Variants in GLIS3 observed in about 807,000 individuals in gnomAD.
GLIS3 encodes zinc finger protein GLIS3.
Under a neutral mutation model 78.6 loss-of-function variants are expected in GLIS3, and 53 were observed. The ratio of observed to expected loss-of-function variants is 0.67; its 90% confidence interval spans 0.54 to 0.85. The LOEUF is 0.85. Ranked by LOEUF, GLIS3 falls within the 40% of genes least tolerant of loss-of-function variation. The pLI, the probability that GLIS3 is intolerant of heterozygous loss-of-function variation, is 0.00. For missense variants in GLIS3, 1,703 were observed against 1,231.1 expected (o/e 1.38, Z -5.74); for synonymous variants, 684 against 509.9 (o/e 1.34, Z -4.60).
At chr9:3,890,006 G>T (rs1010743731) in intron 7 of GLIS3, among the ~76,000 whole-genome samples, 1 of 152,232 alleles carries the variant, frequency 6.6e-6, no homozygotes, top group Non-Finnish European at 1.5e-5. Context: ...AGTTTTTTTA[G>T]ACACCTGAGA....
intron 2 of GLIS3, among the ~76,000 whole-genome samples, chr9:4,136,026 C>G (rs951464014): frequency 1.3e-5 from 2 of 152,120 alleles, no homozygotes; most frequent in East Asian, 1.9e-4. Context: ...TAAATGGCTA[C>G]GAACACCAAA....
At chr9:4,053,092 C>T (rs549658529) in intron 4 of GLIS3, among the ~76,000 whole-genome samples, 14 of 152,220 alleles carry the variant, frequency 9.2e-5, no homozygotes, top group East Asian at 7.7e-4. Flanking sequence ...GGACCACAGG[C>T]GCACACCCCC....
intron 2 of GLIS3, among the ~76,000 whole-genome samples, chr9:4,159,148 G>C (rs1031314192): frequency 6.6e-6 from 1 of 151,778 alleles, no homozygotes; most frequent in Non-Finnish European, 1.5e-5. Context: ...AGCTCCTTGA[G>C]AACAGGGCCT....
chr9:4,019,571 A>G (rs1433744890), intron 4 of GLIS3, among the ~76,000 whole-genome samples: 1 of 152,182 alleles, frequency 6.6e-6, no homozygotes, highest in Non-Finnish European at 1.5e-5. Context: ...AAGGCAGGGG[A>G]AATCAACAAC....
rs373759349 is a variant in GLIS3 at position 3,951,507 on chromosome 9, G to T, written c.1711-14318C>A. Among the ~76,000 whole-genome samples the T allele has an allele frequency of 9.2e-5, 14 of 151,968 alleles. No individual in the cohort carries two copies. The East Asian group carries it at 1.5e-3, about 17-fold the overall frequency. ...GTATTTAGTTAAAGAATGTATGCTG[G>T]ACTACAGAAAAACATGACCAGAAAC... On this transcript the variant is annotated intron_variant, in intron 4 of 10. Coordinates refer to ENST00000381971, the MANE Select transcript of GLIS3 (RefSeq NM_001042413.2).
intron 2 of GLIS3, among the ~76,000 whole-genome samples, chr9:4,272,551 A>T (rs1826613680): frequency 6.6e-6 from 1 of 152,134 alleles, no homozygotes; most frequent in South Asian, 2.1e-4. Context: ...GGAATACCTC[A>T]TAGGGTTATA....
chr9:4,150,170 T>C (rs1834558483), intron 2 of GLIS3, among the ~76,000 whole-genome samples: 1 of 152,140 alleles, frequency 6.6e-6, no homozygotes, highest in African/African-American at 2.4e-5. Context: ...TAGGGCCCCT[T>C]TCTACTAGAA....
chr9:4,477,476 G>A, the GLIS3 span, among the ~76,000 whole-genome samples: 22 of 152,148 alleles, frequency 1.4e-4, no homozygotes, highest in African/African-American at 4.3e-4. Flanking sequence ...ATGCAATGGC[G>A]TGATCACGGC....
upstream of GLIS3, among the ~76,000 whole-genome samples, chr9:4,304,816 A>T (rs2130502642): frequency 6.6e-6 from 1 of 152,224 alleles, no homozygotes; most frequent in South Asian, 2.1e-4. Flanking sequence ...AAACTTGGAG[A>T]TTTTCCACAA....
chr9:4,078,447 G>C (rs889932925), intron 4 of GLIS3, among the ~76,000 whole-genome samples: 2 of 152,174 alleles, frequency 1.3e-5, no homozygotes, highest in Admixed American at 6.5e-5. Context: ...TTCTGATTCT[G>C]TAACAATATA....
intron 2 of GLIS3, among the ~76,000 whole-genome samples, chr9:4,313,335 C>G (rs1464404451): frequency 6.6e-6 from 1 of 152,170 alleles, no homozygotes; most frequent in Non-Finnish European, 1.5e-5. Flanking sequence ...TTGCTGCTCC[C>G]TCTTCAGCCA....
chr9:3,908,844 A>G (rs538763025), intron 6 of GLIS3, among the ~76,000 whole-genome samples: 28 of 150,726 alleles, frequency 1.9e-4, no homozygotes, highest in African/African-American at 6.8e-4. Context: ...TAAGTGAGTC[A>G]AGTGGAAATA....
intron 6 of GLIS3, among the ~76,000 whole-genome samples, chr9:3,905,348 G>C (rs1823623253): frequency 6.6e-6 from 1 of 152,026 alleles, no homozygotes; most frequent in South Asian, 2.1e-4. Flanking sequence ...AGGAGGGAAA[G>C]AACCTGGGTA....
chr9:4,263,513 CA>C (rs60965547), intron 2 of GLIS3, among the ~76,000 whole-genome samples: 24 of 150,192 alleles, frequency 1.6e-4, no homozygotes, highest in African/African-American at 5.4e-4. Context: ...GCATTGAGGC[CA>C]AAAAAAAAGG....
chr9:4,309,947 A>C (rs764608471), intron 3 of GLIS3, among the ~76,000 whole-genome samples: 77 of 152,244 alleles, frequency 5.1e-4, no homozygotes, highest in Non-Finnish European at 1.1e-3. Flanking sequence ...TCTGTGCTAT[A>C]TTTTCAAAGA....
At chr9:4,031,353 T>C (rs1345472930) in intron 4 of GLIS3, among the ~76,000 whole-genome samples, 1 of 152,182 alleles carries the variant, frequency 6.6e-6, no homozygotes. Context: ...GGATGAACCT[T>C]GAATACATGC....
chr9:4,423,693 T>C, the GLIS3 span, among the ~76,000 whole-genome samples: 14 of 152,358 alleles, frequency 9.2e-5, no homozygotes, highest in South Asian at 1.2e-3. Flanking sequence ...GGCTAAGTTA[T>C]TGCACAAATG....
chr9:4,419,545 T>C, the GLIS3 span, among the ~76,000 whole-genome samples: 5 of 152,122 alleles, frequency 3.3e-5, no homozygotes, highest in East Asian at 1.9e-4. Context: ...ATCCCAGCAT[T>C]TGAGGAGGCC....
intron 7 of GLIS3, among the ~76,000 whole-genome samples, chr9:3,882,939 C>T (rs997455126): frequency 2.0e-5 from 3 of 152,206 alleles, no homozygotes; most frequent in African/African-American, 7.2e-5. Flanking sequence ...TCAGTGTCTA[C>T]ATGACAGCAC....
Sources: allele counts gnomAD v4.1 joint callset (sites outside exome capture counted in the v4.1 genomes callset), GRCh38; gene constraint gnomAD v4.1.1; transcripts MANE v1.5; gene names NCBI Gene and HGNC (gene_info 2026-07-23, HGNC 2026-07-21).